TBC1D22A: variants seen among roughly 807,000 people sequenced by gnomAD.
The protein encoded by TBC1D22A is putative GTPase activator.
Under a neutral mutation model 60.2 loss-of-function variants are expected in TBC1D22A, and 38 were observed. The observed-to-expected ratio is 0.63, with a 90% CI of 0.49 to 0.83. The LOEUF is 0.83. TBC1D22A is among the 40% of genes least tolerant of loss of function. The pLI, the probability that TBC1D22A is intolerant of heterozygous loss-of-function variation, is 0.00. For missense variants in TBC1D22A, 628 were observed against 701.0 expected, an observed-to-expected ratio of 0.90 and a Z score of 1.18; for synonymous variants, 302 against 281.7, an observed-to-expected ratio of 1.07 and a Z score of -0.72.
chr22:47,082,050 TG>T, intron 11 of TBC1D22A, among the ~76,000 whole-genome samples: 1 of 152,000 alleles, frequency 6.6e-6, no homozygotes. Flanking sequence ...CCCAGCTGCT[TG>T]GGAGGCTGAG....
intron 5 of TBC1D22A, among the ~76,000 whole-genome samples, chr22:46,879,180 C>A (rs131871): frequency 6.7e-6 from 1 of 148,508 alleles, no homozygotes; most frequent in African/African-American, 2.5e-5. Context: ...ATGGATGAGA[C>A]AAGTGGTTTG....
chr22:47,019,997 T>C (rs2062032991), intron 10 of TBC1D22A, among the ~76,000 whole-genome samples: 1 of 147,572 alleles, frequency 6.8e-6, no homozygotes, highest in Non-Finnish European at 1.5e-5. Flanking sequence ...TCCTCCCCTC[T>C]CCCTTAACCC....
intron 4 of TBC1D22A, among the ~76,000 whole-genome samples, chr22:46,863,686 T>C (rs544460132): frequency 1.3e-5 from 2 of 152,342 alleles, no homozygotes; most frequent in East Asian, 3.9e-4. Flanking sequence ...TCATGCGATA[T>C]GATTTTACAC....
chr22:47,103,332 G>A lies in TBC1D22A; in HGVS notation c.1330-8176G>A, dbSNP rs183664379. Among the ~76,000 whole-genome samples the A allele has an allele frequency of 3.1e-4, 47 of 152,334 alleles. 1 individual carries two copies. In the East Asian group the frequency reaches 6.4e-3, roughly 21 times the overall value. ...CATGGCCAGGGCTCCTGGGAAGAAG[G>A]GGTGGAGACAGCCCACTGCCTGGGA... On this transcript the variant is annotated intron_variant, in intron 11 of 12. Coordinates refer to ENST00000337137, the MANE Select transcript of TBC1D22A (RefSeq NM_014346.5).
rs1013252771 is a variant in TBC1D22A at position 47,028,870 on chromosome 22, C to T, written c.1202-8201C>T. 1.3e-5 allele frequency among the ~76,000 whole-genome samples: 2 copies of T among 152,170 alleles called. No individual in the cohort carries two copies. Among genetic ancestry groups the T allele is most frequent in the East Asian group, 3.9e-4 (2 of 5,190 alleles). ...CAAATGTGGGACACCACCGCACGAT[C>T]CTGACACTAACATCCCAGAGTTGGT... is the stretch of plus-strand genomic sequence containing the variant. On this transcript the variant is annotated intron_variant, in intron 10 of 12. Transcript: ENST00000337137. This position sits in a 1 kb window ranked among gnomAD's most constrained non-coding sequence, Gnocchi z 4.4.
At chr22:47,044,272 G>T (rs760787996) in intron 11 of TBC1D22A, among the ~76,000 whole-genome samples, 13 of 152,216 alleles carry the variant, frequency 8.5e-5, no homozygotes, top group Non-Finnish European at 1.9e-4. Context: ...ACGATTACTG[G>T]CTGGCCACTC....
Position 47,045,237 on chromosome 22 carries a change from C to T in TBC1D22A, c.1329+8039C>T, listed in dbSNP as rs536997807. 2.0e-5 allele frequency among the ~76,000 whole-genome samples: 3 copies of T among 152,336 alleles called. No individual in the cohort carries two copies. The South Asian group carries it at 6.2e-4, about 32-fold the overall frequency. ...TGGCTGCGTGGCACCTGGCTGCACACGCGGCTGTGTGTTCACTGTCCCTCG... is the reference window on the plus strand; with the variant it reads ...TGGCTGCGTGGCACCTGGCTGCACATGCGGCTGTGTGTTCACTGTCCCTCG... On this transcript the variant is annotated intron_variant, in intron 11 of 12. Coordinates refer to ENST00000337137, the MANE Select transcript of TBC1D22A (RefSeq NM_014346.5).
intron 12 of TBC1D22A, among the ~76,000 whole-genome samples, chr22:47,125,028 A>G (rs1315045245): frequency 6.6e-6 from 1 of 152,074 alleles, no homozygotes; most frequent in African/African-American, 2.4e-5. Context: ...GCGGGGAGGC[A>G]GCCTTCATGC....
At chr22:47,148,555 G>A (rs1362854949) in intron 12 of TBC1D22A, among the ~76,000 whole-genome samples, 1 of 147,940 alleles carries the variant, frequency 6.8e-6, no homozygotes, top group Non-Finnish European at 1.5e-5. Flanking sequence ...TCCCTCCCCC[G>A]GGGTTCCTTT....
intron 8 of TBC1D22A, among the ~76,000 whole-genome samples, chr22:46,965,776 G>A (rs1239147816): frequency 6.6e-6 from 1 of 152,242 alleles, no homozygotes; most frequent in African/African-American, 2.4e-5. Context: ...TCGTGATGGT[G>A]CAGTCATTGG....
chr22:47,156,785 C>T (rs1025136264), intron 12 of TBC1D22A, among the ~76,000 whole-genome samples: 1 of 152,228 alleles, frequency 6.6e-6, no homozygotes, highest in South Asian at 2.1e-4. Context: ...GGCAGCCCTC[C>T]CCTTCTCCGG....
In TBC1D22A at chr22:47,165,005, G is replaced by T. The variant is rs539758518; in HGVS notation, c.1426-8493G>T. 1.5e-3 allele frequency among the ~76,000 whole-genome samples: 224 copies of T among 152,262 alleles called. 1 individual carries two copies. The highest frequency in any genetic ancestry group is 5.2e-3 in the African/African-American group (217 of 41,554). On this transcript the variant is annotated intron_variant, in intron 12 of 12. Coordinates refer to ENST00000337137, the MANE Select transcript of TBC1D22A (RefSeq NM_014346.5). ...TTTCGGGAGTAGGAGTGACAGTGAG[G>T]GGCCAGTGAGACCGAGAGGGGCCTA...
chr22:46,945,499 C>A (rs78253341), intron 8 of TBC1D22A, among the ~76,000 whole-genome samples: 1 of 152,284 alleles, frequency 6.6e-6, no homozygotes, highest in African/African-American at 2.4e-5. Context: ...TGATCAAGGT[C>A]TCAGAGCTAC....
intron 1 of TBC1D22A, among the ~76,000 whole-genome samples, 176 bp downstream of exon 1, chr22:46,763,024 G>A (rs55825943): frequency 6.6e-6 from 1 of 151,974 alleles, no homozygotes; most frequent in African/African-American, 2.4e-5. Context: ...GTGGGGTCTG[G>A]GGGTGACAGT....
rs544790820 is a variant in TBC1D22A, at chr22:46,841,509, C to A, written c.638-37144C>A. ...TGGAGTGAGACAGTGATATTATTCA[C>A]CCTTAAAAAAGAAGGTAACCCTGTC... On this transcript the variant is annotated intron_variant, in intron 4 of 12. Coordinates refer to ENST00000337137, the MANE Select transcript of TBC1D22A (RefSeq NM_014346.5). Among the ~76,000 whole-genome samples, 3 of 152,296 alleles carry A rather than the reference C, an allele frequency of 2.0e-5. No homozygotes were observed. In the East Asian group the frequency reaches 5.8e-4, roughly 29 times the overall value.
intron 1 of TBC1D22A, among the ~76,000 whole-genome samples, chr22:46,767,674 TGTG>T (rs1408088299): frequency 6.6e-6 from 1 of 150,886 alleles, no homozygotes; most frequent in Non-Finnish European, 1.5e-5. Flanking sequence ...TAGTGGCAGG[TGTG>T]GTGGTGAGAA....
intron 10 of TBC1D22A, among the ~76,000 whole-genome samples, chr22:47,015,750 G>T (rs2061889859): frequency 6.6e-6 from 1 of 152,232 alleles, no homozygotes. Flanking sequence ...GCCTCGTGGT[G>T]GTCTCAGCCA....
chr22:46,848,888 GT>G (rs79068503), intron 4 of TBC1D22A, among the ~76,000 whole-genome samples: 50,372 of 146,488 alleles, frequency 0.34, 8,797 homozygotes, highest in African/African-American at 0.47. Context: ...TCACCATGCA[GT>G]TTTTTTTTTT....
intron 12 of TBC1D22A, among the ~76,000 whole-genome samples, chr22:47,150,636 C>T (rs928885446): frequency 6.6e-6 from 1 of 152,220 alleles, no homozygotes; most frequent in African/African-American, 2.4e-5. Flanking sequence ...ACTTGTGGGC[C>T]ACAAGCACGT....
Sources: allele counts gnomAD v4.1 joint callset (sites outside exome capture counted in the v4.1 genomes callset), GRCh38; gene constraint gnomAD v4.1.1; non-coding constraint Gnocchi (gnomAD v3.1); transcripts MANE v1.5; gene names NCBI Gene and HGNC (gene_info 2026-07-23, HGNC 2026-07-21).